The following COL6A6 variants were observed in gnomAD, a reference collection of about 807,000 sequenced individuals.
The protein encoded by COL6A6 is collagen alpha-6(VI) chain.
Under a neutral mutation model 208.6 loss-of-function variants are expected in COL6A6, and 183 were observed. The ratio of observed to expected loss-of-function variants is 0.88; its 90% CI spans 0.78 to 0.99. The LOEUF is 0.99. Ranked by LOEUF, COL6A6 falls within the 50% of genes least tolerant of loss-of-function variation. COL6A6 has a pLI of 0.00. For missense variants in COL6A6, 2,816 were observed against 2,815.2 expected (o/e 1.00, Z -0.01); for synonymous variants, 973 against 1,011.8 (o/e 0.96, Z 0.73).
At chr3:130,569,652 G>T (rs549576780) in intron 6 of COL6A6, among the ~76,000 whole-genome samples, 1 of 152,122 alleles carries the variant, frequency 6.6e-6, no homozygotes, top group Non-Finnish European at 1.5e-5. Context: ...TGGTAACTTC[G>T]CCCAGAACAA....
intron 1 of COL6A6, among the ~76,000 whole-genome samples, chr3:130,529,698 A>C (rs1173948452): frequency 4.6e-5 from 7 of 152,174 alleles, no homozygotes; most frequent in Non-Finnish European, 8.8e-5. Context: ...CCACACCCAG[A>C]GAAGGGGCCC....
chr3:130,611,833 T>C (rs971818823), intron 23 of COL6A6, among the ~76,000 whole-genome samples: 1 of 152,222 alleles, frequency 6.6e-6, no homozygotes, highest in Non-Finnish European at 1.5e-5. Context: ...AGGTTGGTTA[T>C]GCAGGCAAAC....
rs1476025643 is a variant in COL6A6, at chr3:130,563,119, G to C, written c.116G>C (p.Gly39Ala). The change falls in exon 3 of 37, where the codon GGA (glycine) becomes GCA (alanine). Residue 39 changes from glycine (G) to alanine (A), a missense_variant. Gly to Ala is a moderately conservative substitution (Grantham distance 60). Transcript: ENST00000358511. ...TTGGTGGACAGCTCTGATCGCCTGG[G>C]ATCCAAGTCCTTCCCATTTGTGAAA... ...VFLVDSSDRL[G>A]SKSFPFVKMF... 24 of 1,613,860 alleles carry C rather than the reference G, an allele frequency of 1.5e-5. No homozygotes were observed. Among genetic ancestry groups the C allele is most frequent in the Non-Finnish European group, 2.0e-5 (24 of 1,179,874 alleles).
In COL6A6 at chr3:130,574,425, C is replaced by T. The variant is rs774222244; in HGVS notation, c.3447C>T (p.Thr1149=). 22 of 1,613,866 alleles carry T rather than the reference C, an allele frequency of 1.4e-5. No individual in the cohort carries two copies. In the Admixed American group the frequency reaches 1.5e-4, roughly 11 times the overall value. ...ATGACCAGCAGCTCATTCAGATCAC[C>T]GGGACTGCAGAGAAAAAACTGACAG... The part of the protein sequence containing the change: ...DVDDQQLIQI[T]GTAEKKLTVH... Residue 1149 remains threonine, a synonymous_variant, in exon 8 of 37, where the codon ACC becomes ACT. Transcript: ENST00000358511.
At chr3:130,521,890 G>C (rs1577585310) in intron 1 of COL6A6, among the ~76,000 whole-genome samples, 1 of 152,170 alleles carries the variant, frequency 6.6e-6, no homozygotes, top group East Asian at 1.9e-4. Flanking sequence ...CCGAGCTCCA[G>C]CTGCTCATAG....
rs184262904 is a variant in COL6A6, at chr3:130,649,043, A to G, written c.5240-26A>G. ...TTTTTTTTTTTTAAATAAGGATGCTATGTGTTAAGGGATATGGTCTTTTAG... is the reference window on the plus strand; with the variant it reads ...TTTTTTTTTTTTAAATAAGGATGCTGTGTGTTAAGGGATATGGTCTTTTAG... On this transcript the variant is annotated intron_variant, in intron 32 of 36. Transcript: ENST00000358511. 605 of 1,433,656 alleles carry G rather than the reference A, an allele frequency of 4.2e-4. 2 individuals carry two copies. In the African/African-American group the frequency reaches 7.4e-3, roughly 18 times the overall value. The allele number at this position is 1,433,656 out of a possible 1,614,324, so 88.8% of individuals were successfully genotyped here.
Position 130,634,616 on chromosome 3 carries a change from T to G in COL6A6, c.5019T>G (p.Ser1673Arg). ...GACAAGAAGGATTCCCTGGAGAAAGTGGACCTAAGGTACCGTGTGCTTCCT... is the reference window on the plus strand; with the variant it reads ...GACAAGAAGGATTCCCTGGAGAAAGGGGACCTAAGGTACCGTGTGCTTCCT... Reference protein sequence around the residue: ...AKGQEGFPGESGPKGEIGDPG... With the variant: ...AKGQEGFPGERGPKGEIGDPG... The change falls in exon 27 of 37, where the codon AGT becomes AGG. Residue 1673 changes from serine (S) to arginine (R), a missense_variant. By Grantham distance (110) the Ser-to-Arg change is moderately radical (BLOSUM62 -1). Coordinates refer to ENST00000358511, the MANE Select transcript of COL6A6 (RefSeq NM_001102608.3). 1 of 1,607,894 alleles carries G rather than the reference T, an allele frequency of 6.2e-7. No homozygotes were observed. Among genetic ancestry groups the G allele is most frequent in the Non-Finnish European group, 8.5e-7 (1 of 1,176,894 alleles).
rs2063365425 is a variant in COL6A6, at chr3:130,579,244, T to C, written c.3548-2317T>C. ...AGTACTGTCTTTATAAATTAATAATTAGAATCAGCTTTTGGGCTTGGCAGG... is the reference window on the plus strand; with the variant it reads ...AGTACTGTCTTTATAAATTAATAATCAGAATCAGCTTTTGGGCTTGGCAGG... On this transcript the variant is annotated intron_variant, in intron 8 of 36. Coordinates refer to ENST00000358511, the MANE Select transcript of COL6A6 (RefSeq NM_001102608.3). 2.0e-5 allele frequency among the ~76,000 whole-genome samples: 3 copies of C among 152,332 alleles called. No homozygotes were observed. In the South Asian group the frequency reaches 6.2e-4, roughly 32 times the overall value.
At chr3:130,552,552 G>A (rs960551386) in intron 1 of COL6A6, among the ~76,000 whole-genome samples, 1 of 152,080 alleles carries the variant, frequency 6.6e-6, no homozygotes, top group Non-Finnish European at 1.5e-5. Context: ...TAGGTCTCTT[G>A]AAGACAGCAT....
chr3:130,626,015 A>G (rs978713690), intron 24 of COL6A6, among the ~76,000 whole-genome samples: 1 of 152,182 alleles, frequency 6.6e-6, no homozygotes, highest in African/African-American at 2.4e-5. Flanking sequence ...ACTTTCCTCA[A>G]CATAATACTG....
intron 2 of COL6A6, among the ~76,000 whole-genome samples, chr3:130,561,739 G>A (rs973281109): frequency 7.3e-6 from 1 of 136,156 alleles, no homozygotes; most frequent in African/African-American, 2.8e-5. Context: ...TGCAAGCTCC[G>A]CTTCCCGGGT....
At chr3:130,590,557 G>A (rs1277246809) in intron 12 of COL6A6, among the ~76,000 whole-genome samples, 5 of 143,386 alleles carry the variant, frequency 3.5e-5, no homozygotes, top group Admixed American at 2.2e-4. Flanking sequence ...GAGAACATGC[G>A]GTGTTTGGTT....
intron 12 of COL6A6, among the ~76,000 whole-genome samples, chr3:130,590,485 T>G (rs55780258): frequency 0.98 from 100,743 of 102,812 alleles, 49,363 homozygotes; most frequent in Admixed American, 0.99. Context: ...GACAGGCCCC[T>G]GTGTGTGATG....
chr3:130,520,959 T>C (rs1711036180), intron 1 of COL6A6, among the ~76,000 whole-genome samples: 1 of 152,174 alleles, frequency 6.6e-6, no homozygotes, highest in Non-Finnish European at 1.5e-5. Context: ...TTTCCCCAAA[T>C]GCTCAACTGG....
rs1309087994 is a variant in COL6A6 at position 130,564,984 on chromosome 3, T to G, written c.662-10T>G. The G allele has an allele frequency of 6.8e-6, 11 of 1,609,394 alleles. No individual in the cohort carries two copies. Among genetic ancestry groups the G allele is most frequent in the Non-Finnish European group, 9.3e-6 (11 of 1,177,248 alleles). On this transcript the variant is annotated splice_polypyrimidine_tract_variant and intron_variant, in intron 3 of 36. Transcript: ENST00000358511. ...GCTAAAATTGTGCTTGTTTATTTCT[T>G]GCCACACAGCTTGCCAAGGCCCTTC...
At chr3:130,655,412 C>T (rs909491913) in intron 33 of COL6A6, among the ~76,000 whole-genome samples, 1 of 152,156 alleles carries the variant, frequency 6.6e-6, no homozygotes, top group African/African-American at 2.4e-5. Context: ...CATCTGAGGC[C>T]TCTAATTGGA....
chr3:130,611,960 T>C (rs1435209325), intron 23 of COL6A6, among the ~76,000 whole-genome samples: 1 of 152,122 alleles, frequency 6.6e-6, no homozygotes, highest in African/African-American at 2.4e-5. Flanking sequence ...TAGGCCTCAG[T>C]GCCTGTTGTT....
chr3:130,571,049 A>G lies in COL6A6; in HGVS notation c.2633A>G (p.Asn878Ser). 1 of 1,613,938 alleles carries G rather than the reference A, an allele frequency of 6.2e-7. No individual in the cohort carries two copies. Among genetic ancestry groups the G allele is most frequent in the East Asian group, 2.2e-5 (1 of 44,874 alleles). Reference protein sequence around the residue: ...TKLEVISVLQNDQAMGGSTYT... With the variant: ...TKLEVISVLQSDQAMGGSTYT... ...CTGGAGGTAATTTCAGTGCTCCAGA[A>G]TGACCAAGCCATGGGTGGCAGTACT... is the stretch of plus-strand genomic sequence containing the variant. Residue 878 changes from asparagine to serine, a missense_variant, in exon 7 of 37, where the codon AAT (asparagine) becomes AGT (serine). Asn to Ser is a conservative substitution (Grantham distance 46). Transcript: ENST00000358511.
intron 12 of COL6A6, 33 bp downstream of exon 12, chr3:130,589,215 A>G (rs2063616132): frequency 1.3e-6 from 2 of 1,489,910 alleles, no homozygotes; most frequent in African/African-American, 2.8e-5. Context: ...GGTTACTTTG[A>G]GTTGTAGTAT....
Sources: gnomAD v4.1 joint callset for allele counts (sites outside exome capture counted in the v4.1 genomes callset) on GRCh38, gnomAD v4.1.1 for gene constraint, MANE v1.5 for transcripts, NCBI Gene and HGNC (gene_info 2026-07-23, HGNC 2026-07-21) for gene names.